Variants in PPP3CA observed in about 807,000 individuals in gnomAD.
PPP3CA encodes protein phosphatase 3 catalytic subunit alpha.
PPP3CA carries 14 observed loss-of-function variants against 66.5 expected under a neutral mutation model. The observed-to-expected ratio is 0.21, with a 90% CI of 0.14 to 0.33. The LOEUF is 0.33. Among genes scored for constraint, PPP3CA ranks in the 10% least tolerant of loss-of-function variants. The pLI, the probability that PPP3CA is intolerant of heterozygous loss-of-function variation, is 1.00. For synonymous variants in PPP3CA, 232 were observed against 226.2 expected (o/e 1.03, Z -0.23); for missense variants, 317 against 639.5 (o/e 0.50, Z 5.44).
chr4:101,313,196 T>A (rs1017455200), intron 1 of PPP3CA, among the ~76,000 whole-genome samples: 1 of 152,084 alleles, frequency 6.6e-6, no homozygotes, highest in Non-Finnish European at 1.5e-5. Flanking sequence ...AGGGTCTTTT[T>A]TTCTTTTTCT....
chr4:101,230,039 A>G (rs1280795417), intron 1 of PPP3CA, among the ~76,000 whole-genome samples: 1 of 151,718 alleles, frequency 6.6e-6, no homozygotes, highest in African/African-American at 2.4e-5. Context: ...TTCCTTCTTT[A>G]TTAAAAAATG....
chr4:101,207,175 T>G (rs1345745736), intron 1 of PPP3CA, among the ~76,000 whole-genome samples: 5 of 152,200 alleles, frequency 3.3e-5, no homozygotes, highest in African/African-American at 4.8e-5. Flanking sequence ...TAATGTTACA[T>G]CAGTACAACA....
At chr4:101,026,146 A>C (rs1726638482) in intron 13 of PPP3CA, 85 bp from the exon 14 acceptor site, 2 of 1,176,950 alleles carry the variant, frequency 1.7e-6, no homozygotes, top group African/African-American at 3.1e-5. Flanking sequence ...GTGATGTTAG[A>C]GATTTCTCAG....
chr4:101,261,781 T>C (rs1341013467), intron 1 of PPP3CA, among the ~76,000 whole-genome samples: 1 of 152,030 alleles, frequency 6.6e-6, no homozygotes, highest in African/African-American at 2.4e-5. Context: ...CATCATGAGT[T>C]TTCTCACACA....
chr4:101,030,778 A>G (rs1726912881), intron 12 of PPP3CA, among the ~76,000 whole-genome samples: 1 of 152,158 alleles, frequency 6.6e-6, no homozygotes, highest in Non-Finnish European at 1.5e-5. Flanking sequence ...TGTTAAATGA[A>G]CACTATTAAA....
chr4:101,036,568 C>G lies in PPP3CA; in HGVS notation c.1241+3914G>C, dbSNP rs966327037. Among the ~76,000 whole-genome samples the G allele has an allele frequency of 2.0e-5, 3 of 151,702 alleles. No individual in the cohort carries two copies. The East Asian group carries it at 5.8e-4, about 29-fold the overall frequency. ...CTGGGACTACAGGCACCTGCCACCACGCCCAGCTAATTTTTTTGTATTTTC... is the reference window on the plus strand; with the variant it reads ...CTGGGACTACAGGCACCTGCCACCAGGCCCAGCTAATTTTTTTGTATTTTC... On this transcript the variant is annotated intron_variant, in intron 11 of 13. Coordinates refer to ENST00000394854, the MANE Select transcript of PPP3CA (RefSeq NM_000944.5).
At chr4:101,057,986 A>C (rs2110222813) in intron 10 of PPP3CA, among the ~76,000 whole-genome samples, 1 of 152,274 alleles carries the variant, frequency 6.6e-6, no homozygotes, top group African/African-American at 2.4e-5. Context: ...ATAAAACATA[A>C]GATTAGATGA....
intron 2 of PPP3CA, among the ~76,000 whole-genome samples, chr4:101,127,953 G>A (rs1722298789): frequency 6.6e-6 from 1 of 152,126 alleles, no homozygotes; most frequent in South Asian, 2.1e-4. Flanking sequence ...TCAAACCAAG[G>A]CAGTCTCACT....
intron 1 of PPP3CA, among the ~76,000 whole-genome samples, chr4:101,222,018 C>A (rs2851004): frequency 0.83 from 124,648 of 150,954 alleles, 51,914 homozygotes; most frequent in African/African-American, 0.89. Context: ...TTTTCTTTAA[C>A]GATCTATTGA....
At chr4:101,279,480 T>C (rs1173738848) in intron 1 of PPP3CA, among the ~76,000 whole-genome samples, 2 of 152,190 alleles carry the variant, frequency 1.3e-5, no homozygotes, top group Non-Finnish European at 2.9e-5. Context: ...CAGCCAATGA[T>C]CAATTAGAAT....
chr4:101,167,602 A>G (rs1201604133), intron 2 of PPP3CA, among the ~76,000 whole-genome samples: 1 of 152,206 alleles, frequency 6.6e-6, no homozygotes, highest in African/African-American at 2.4e-5. Context: ...GTATCAATGA[A>G]TGATAAGTGC....
chr4:101,155,453 C>G (rs1055837683), intron 2 of PPP3CA, among the ~76,000 whole-genome samples: 10 of 152,170 alleles, frequency 6.6e-5, no homozygotes, highest in Admixed American at 2.6e-4. Context: ...AAGTTCCTTC[C>G]TGCAAGTGCT....
At chr4:101,309,910 G>A (rs4637408) in intron 1 of PPP3CA, among the ~76,000 whole-genome samples, 15,738 of 152,196 alleles carry the variant, frequency 0.1, 2,768 homozygotes, top group African/African-American at 0.36. Context: ...ATTTATCAAC[G>A]ACACGTTATG....
chr4:101,281,129 T>C (rs924862174), intron 1 of PPP3CA, among the ~76,000 whole-genome samples: 1 of 152,172 alleles, frequency 6.6e-6, no homozygotes, highest in Non-Finnish European at 1.5e-5. Flanking sequence ...CTATTCAACC[T>C]GACAACACTG....
intron 7 of PPP3CA, among the ~76,000 whole-genome samples, chr4:101,082,791 T>C (rs1197589840): frequency 6.6e-6 from 1 of 152,192 alleles, no homozygotes; most frequent in Non-Finnish European, 1.5e-5. Context: ...AACAGTAAAA[T>C]GTGCAATACC....
intron 10 of PPP3CA, among the ~76,000 whole-genome samples, chr4:101,043,875 CA>C (rs1019485326): frequency 2.3e-4 from 33 of 145,920 alleles, no homozygotes; most frequent in African/African-American, 6.5e-4. Context: ...AACTCCATGT[CA>C]AAAAAAAAAA....
chr4:101,285,624 T>C (rs1022469434), intron 1 of PPP3CA, among the ~76,000 whole-genome samples: 5 of 150,562 alleles, frequency 3.3e-5, no homozygotes, highest in African/African-American at 1.2e-4. Flanking sequence ...TGTGTGTGTG[T>C]GTGTGTGTGT....
At chr4:101,322,392 C>T (rs1729066022) in intron 1 of PPP3CA, among the ~76,000 whole-genome samples, 1 of 150,788 alleles carries the variant, frequency 6.6e-6, no homozygotes, top group Admixed American at 6.6e-5. Context: ...CCAAACACCA[C>T]TAAATCTACT....
At chr4:101,042,858 T>G (rs1727590663) in intron 10 of PPP3CA, among the ~76,000 whole-genome samples, 1 of 151,496 alleles carries the variant, frequency 6.6e-6, no homozygotes, top group East Asian at 1.9e-4. Flanking sequence ...TAGGGTGGTC[T>G]TCCTATACAT....
Sources: allele counts gnomAD v4.1 joint callset (sites outside exome capture counted in the v4.1 genomes callset), GRCh38; gene constraint gnomAD v4.1.1; transcripts MANE v1.5; gene names NCBI Gene and HGNC (gene_info 2026-07-23, HGNC 2026-07-21).